The following CDYL variants were observed in gnomAD, a reference collection of about 807,000 sequenced individuals.
CDYL encodes chromodomain Y like.
A neutral mutation model predicts 47.3 loss-of-function variants in CDYL; 8 were observed. The observed-to-expected ratio is 0.17, with a 90% CI of 0.10 to 0.31. The LOEUF is 0.31. CDYL is among the 10% of genes least tolerant of loss of function. The probability of loss-of-function intolerance (pLI) is 1.00; values close to 1 mark genes in which losing one functional copy is unlikely to be tolerated. For missense variants in CDYL, 471 were observed against 701.4 expected (o/e 0.67, Z 3.71); for synonymous variants, 266 against 265.0 (o/e 1.00, Z -0.04).
chr6:4,764,853 A>G (rs1008718572), intron 3 of CDYL, among the ~76,000 whole-genome samples: 3 of 144,980 alleles, frequency 2.1e-5, no homozygotes, highest in African/African-American at 8.3e-5. Flanking sequence ...GCAAAATTAA[A>G]CACACACACA....
chr6:4,713,984 C>T (rs1757204774), intron 1 of CDYL: 1 of 152,222 alleles, frequency 6.6e-6, no homozygotes, highest in Non-Finnish European at 1.5e-5. Context: ...GGATAATAAT[C>T]ACAGCTAACA....
chr6:4,915,047 C>G (rs1230753935), intron 2 of CDYL, among the ~76,000 whole-genome samples: 2 of 152,242 alleles, frequency 1.3e-5, no homozygotes, highest in Non-Finnish European at 2.9e-5. Flanking sequence ...TGTGCTGGGG[C>G]TGGCCCAACC....
At chr6:4,829,885 G>A (rs1392503675) in intron 1 of CDYL, among the ~76,000 whole-genome samples, 1 of 152,200 alleles carries the variant, frequency 6.6e-6, no homozygotes, top group African/African-American at 2.4e-5. Flanking sequence ...GTCAGGCCAG[G>A]GAGGCACAGC....
At chr6:4,891,573 A>G (rs1762040612) in intron 1 of CDYL, 140 bp from the exon 2 acceptor site, 1 of 669,338 alleles carries the variant, frequency 1.5e-6, no homozygotes, top group East Asian at 2.7e-5. Flanking sequence ...ATGGCCTATT[A>G]CTATTTTATT....
intron 1 of CDYL, among the ~76,000 whole-genome samples, chr6:4,797,449 G>C (rs77834077): frequency 6.9e-6 from 1 of 143,962 alleles, no homozygotes; most frequent in African/African-American, 2.5e-5. Flanking sequence ...TTGAGATATA[G>C]TTCACATACC....
intron 1 of CDYL, among the ~76,000 whole-genome samples, chr6:4,845,906 G>C (rs1760641741): frequency 6.6e-6 from 1 of 152,078 alleles, no homozygotes; most frequent in Admixed American, 6.6e-5. Flanking sequence ...GAAAAAAATA[G>C]AACTACTAAC....
At chr6:4,766,202 TTTTG>T (rs1459202613) in intron 3 of CDYL, among the ~76,000 whole-genome samples, 5 of 152,076 alleles carry the variant, frequency 3.3e-5, no homozygotes, top group African/African-American at 4.8e-5. Context: ...AATATTCCTT[TTTTG>T]TTTGTTTGTT....
intron 1 of CDYL, among the ~76,000 whole-genome samples, chr6:4,807,998 G>A (rs1759422185): frequency 6.6e-6 from 1 of 151,914 alleles, no homozygotes. Context: ...CGTAGCTTTG[G>A]TCATTGGAAG....
At chr6:4,874,016 A>G (rs1284972273) in intron 1 of CDYL, among the ~76,000 whole-genome samples, 3 of 152,146 alleles carry the variant, frequency 2.0e-5, no homozygotes, top group Admixed American at 6.5e-5. Flanking sequence ...CCACAGAGTA[A>G]GATTGTTTTA....
intron 1 of CDYL, among the ~76,000 whole-genome samples, chr6:4,805,941 A>G (rs1759355462): frequency 2.0e-5 from 3 of 152,250 alleles, no homozygotes; most frequent in Non-Finnish European, 4.4e-5. Flanking sequence ...GTGGACATGT[A>G]AAACTCACCA....
chr6:4,750,928 C>T (rs768748175), intron 3 of CDYL, among the ~76,000 whole-genome samples: 12 of 151,054 alleles, frequency 7.9e-5, no homozygotes, highest in Non-Finnish European at 1.6e-4. Context: ...TCTCGGCTCA[C>T]TGCAAGCTCT....
chr6:4,901,916 C>T (rs1357999531), intron 2 of CDYL, among the ~76,000 whole-genome samples: 1 of 152,196 alleles, frequency 6.6e-6, no homozygotes, highest in African/African-American at 2.4e-5. Flanking sequence ...GGCCATCCTT[C>T]CCGCATGGAA....
chr6:4,799,530 C>T (rs79413877), intron 1 of CDYL, among the ~76,000 whole-genome samples: 2,102 of 152,096 alleles, frequency 0.014, 48 homozygotes, highest in African/African-American at 0.049. Context: ...AGCATAGCTT[C>T]CACTTCTCAG....
chr6:4,921,909 T>C (rs1026580594), intron 2 of CDYL, among the ~76,000 whole-genome samples: 2 of 152,198 alleles, frequency 1.3e-5, no homozygotes, highest in Non-Finnish European at 2.9e-5. Flanking sequence ...CAGCATTCCC[T>C]GGGAATATTC....
chr6:4,949,114 C>T (rs910837635), intron 5 of CDYL, among the ~76,000 whole-genome samples: 4 of 152,254 alleles, frequency 2.6e-5, no homozygotes, highest in Non-Finnish European at 4.4e-5. Flanking sequence ...CCGCTGTAGG[C>T]GAGGGCTACG....
intron 1 of CDYL, among the ~76,000 whole-genome samples, chr6:4,709,793 C>A (rs1757116808): frequency 6.6e-6 from 1 of 152,222 alleles, no homozygotes; most frequent in African/African-American, 2.4e-5. Context: ...GTCTTAACCT[C>A]TGATTTTCCT....
chr6:4,941,270 G>A (rs1028460840), intron 4 of CDYL, among the ~76,000 whole-genome samples: 12 of 152,244 alleles, frequency 7.9e-5, no homozygotes, highest in Non-Finnish European at 1.3e-4. Flanking sequence ...GGAGAGGACC[G>A]TCCCAGGCTT....
At chr6:4,936,692 G>A (rs534692014) in intron 3 of CDYL, among the ~76,000 whole-genome samples, 42 of 152,270 alleles carry the variant, frequency 2.8e-4, no homozygotes, top group Non-Finnish European at 5.1e-4. Flanking sequence ...AAGTGTAATA[G>A]GGTAGTTTTT....
chr6:4,720,607 C>T (rs1050842235), intron 2 of CDYL, among the ~76,000 whole-genome samples: 1 of 152,194 alleles, frequency 6.6e-6, no homozygotes, highest in Non-Finnish European at 1.5e-5. Context: ...TAAATTCTAA[C>T]TTAACCACAA....
Sources: allele counts gnomAD v4.1 joint callset (sites outside exome capture counted in the v4.1 genomes callset), GRCh38; gene constraint gnomAD v4.1.1; transcripts MANE v1.5; gene names NCBI Gene and HGNC (gene_info 2026-07-23, HGNC 2026-07-21).